Variants in PYGB observed in about 807,000 individuals in gnomAD.
PYGB encodes glycogen phosphorylase B, also known as glycogen phosphorylase, brain form.
PYGB carries 82 observed loss-of-function variants against 94.3 expected under a neutral mutation model. The ratio of observed to expected loss-of-function variants is 0.87; its 90% CI spans 0.73 to 1.04. The LOEUF (loss-of-function observed/expected upper bound fraction) is 1.04. Among genes scored for constraint, PYGB ranks in the 50% least tolerant of loss-of-function variants. The pLI, the probability that PYGB is intolerant of heterozygous loss-of-function variation, is 0.00. For synonymous variants in PYGB, 488 were observed against 479.1 expected, an observed-to-expected ratio of 1.02 and a Z score of -0.24; for missense variants, 1,132 against 1,158.2, an observed-to-expected ratio of 0.98 and a Z score of 0.33.
chr20:25,250,655 G>T (rs561709372), intron 1 of PYGB, among the ~76,000 whole-genome samples: 4 of 152,318 alleles, frequency 2.6e-5, no homozygotes, highest in Non-Finnish European at 5.9e-5. Flanking sequence ...GAGCCAATGA[G>T]AGGAGGTGTG....
intron 1 of PYGB, chr20:25,251,364 TG>T (rs2092887584): frequency 6.6e-6 from 1 of 152,264 alleles, no homozygotes; most frequent in African/African-American, 2.4e-5. Flanking sequence ...TTGCCATTAT[TG>T]GCCTCAGTTT....
At chr20:25,256,870 T>A (rs2092903780) in intron 1 of PYGB, among the ~76,000 whole-genome samples, 2 of 152,208 alleles carry the variant, frequency 1.3e-5, no homozygotes, top group Non-Finnish European at 2.9e-5. Flanking sequence ...CTTTACATGG[T>A]TTTTTTCAGA....
chr20:25,260,959 G>A (rs2092912109), intron 2 of PYGB, among the ~76,000 whole-genome samples: 1 of 152,374 alleles, frequency 6.6e-6, no homozygotes, highest in East Asian at 1.9e-4. Flanking sequence ...TGAGGCTTGA[G>A]TAGGTAAACA....
intron 14 of PYGB, among the ~76,000 whole-genome samples, chr20:25,284,633 C>T (rs537988338): frequency 5.9e-5 from 9 of 152,316 alleles, no homozygotes; most frequent in African/African-American, 2.2e-4. Context: ...ACTATGTTGC[C>T]AAGGCTGGTC....
intron 3 of PYGB, among the ~76,000 whole-genome samples, chr20:25,269,650 C>T (rs1259543543): frequency 6.6e-6 from 1 of 152,186 alleles, no homozygotes; most frequent in Admixed American, 6.5e-5. Flanking sequence ...ACCTCCCGGC[C>T]TTTGTGACAT....
intron 1 of PYGB, among the ~76,000 whole-genome samples, chr20:25,255,796 C>T (rs1471024979): frequency 3.3e-5 from 5 of 151,384 alleles, no homozygotes; most frequent in Non-Finnish European, 4.4e-5. Context: ...TGCAGTGGCG[C>T]GATCTCTACT....
At chr20:25,292,811 G>A (rs1246896863) in intron 17 of PYGB, among the ~76,000 whole-genome samples, 198 bp downstream of exon 17, 1 of 152,124 alleles carries the variant, frequency 6.6e-6, no homozygotes, top group Non-Finnish European at 1.5e-5. Flanking sequence ...GGCTGCGGGC[G>A]AGGCCCACGT....
intron 7 of PYGB, among the ~76,000 whole-genome samples, chr20:25,277,560 C>A (rs966456773): frequency 2.4e-4 from 37 of 152,300 alleles, no homozygotes; most frequent in African/African-American, 8.7e-4. Flanking sequence ...GTGGTCCTCT[C>A]TCCGAGGACA....
In PYGB at chr20:25,248,415, C is replaced by A. The variant is rs772985770; in HGVS notation, c.237C>A (p.Asp79Glu). ...IRTQQHYYERDPKRIYYLSLE... is the reference protein window; with the variant it reads ...IRTQQHYYEREPKRIYYLSLE... ...CGCAGCAGCACTACTACGAGCGCGACCCCAAGGTGAGGCGCTGCCCCGCCC... is the reference window on the plus strand; with the variant it reads ...CGCAGCAGCACTACTACGAGCGCGAACCCAAGGTGAGGCGCTGCCCCGCCC... Residue 79 changes from aspartate to glutamate, a missense_variant, in exon 1 of 20, where the codon GAC becomes GAA. By Grantham distance (45) the Asp-to-Glu change is conservative (BLOSUM62 2). Coordinates refer to ENST00000216962, the MANE Select transcript of PYGB (RefSeq NM_002862.4). 4 of 1,525,238 alleles carry A rather than the reference C, an allele frequency of 2.6e-6. No homozygotes were observed. The highest frequency in any genetic ancestry group is 1.4e-5 in the African/African-American group (1 of 70,048). The allele number at this position is 1,525,238 out of a possible 1,614,324, so 94.5% of individuals were successfully genotyped here. A position where few individuals can be genotyped will look rare whatever the true frequency, so the allele number is the denominator to read the frequency against.
Position 25,296,742 on chromosome 20 carries a change from A to C in PYGB, c.*220A>C. The C allele has an allele frequency of 1.6e-6, 1 of 636,192 alleles. No individual in the cohort carries two copies. The highest frequency in any genetic ancestry group is 2.0e-5 in the South Asian group (1 of 49,572). 39.4% of individuals were successfully genotyped at this position (636,192 alleles called of 1,614,324 possible). On this transcript the variant is annotated 3_prime_UTR_variant, in exon 20 of 20. Coordinates refer to ENST00000216962, the MANE Select transcript of PYGB (RefSeq NM_002862.4). ...TTTCTTGTAAAGGAAGCCAGAGTTG[A>C]CAGTACAAAGGGTCGTGGCCAGCCC...
chr20:25,255,303 C>T (rs1400570426), intron 1 of PYGB, among the ~76,000 whole-genome samples: 1 of 152,236 alleles, frequency 6.6e-6, no homozygotes, highest in Non-Finnish European at 1.5e-5. Flanking sequence ...ATCTCTCCTC[C>T]CACAGGACCT....
intron 1 of PYGB, 30 bp from the exon 2 acceptor site, chr20:25,259,207 G>T (rs1368480922): frequency 6.5e-7 from 1 of 1,532,624 alleles, no homozygotes; most frequent in Admixed American, 1.7e-5. Context: ...AATGGAATGA[G>T]AAATCTTATT....
intron 1 of PYGB, among the ~76,000 whole-genome samples, chr20:25,255,483 T>A (rs2092900390): frequency 6.6e-6 from 1 of 152,194 alleles, no homozygotes; most frequent in Non-Finnish European, 1.5e-5. Context: ...TGGCCTGTGT[T>A]CCTGTGTCTT....
intron 16 of PYGB, 138 bp from the exon 17 acceptor site, chr20:25,292,268 G>GAGCA: frequency 1.1e-5 from 11 of 1,003,794 alleles, no homozygotes; most frequent in Non-Finnish European, 1.0e-5. Flanking sequence ...GCGGGAGTGG[G>GAGCA]GGCTGGAGCG....
intron 3 of PYGB, among the ~76,000 whole-genome samples, chr20:25,270,894 G>C (rs2088260740): frequency 6.6e-6 from 1 of 152,216 alleles, no homozygotes; most frequent in Admixed American, 6.5e-5. Context: ...ATAGCGCCTT[G>C]GGGCCCCTGG....
chr20:25,271,979 G>C (rs2123551124), intron 4 of PYGB, among the ~76,000 whole-genome samples: 1 of 152,304 alleles, frequency 6.6e-6, no homozygotes, highest in African/African-American at 2.4e-5. Flanking sequence ...GGGGTTAGAG[G>C]CTGGACTCTG....
intron 13 of PYGB, 51 bp downstream of exon 13, chr20:25,283,328 C>A: frequency 1.3e-6 from 2 of 1,519,968 alleles, no homozygotes; most frequent in South Asian, 1.1e-5. Context: ...CACAACCAGG[C>A]AGGTAGGCCC....
At chr20:25,286,188 TTCAGGGAAG>T (rs2088416809) in intron 14 of PYGB, among the ~76,000 whole-genome samples, 1 of 152,250 alleles carries the variant, frequency 6.6e-6, no homozygotes, top group Non-Finnish European at 1.5e-5. Flanking sequence ...GTTGCTGGAC[TTCAGGGAAG>T]TTGTCTGTTT....
At position 25,295,686 on chromosome 20, in the gene PYGB, CCA is replaced by C. The variant is rs771790647; in HGVS notation, c.2379+17_2379+18del. 15 of 1,608,376 alleles carry C rather than the reference CCA, an allele frequency of 9.3e-6. No homozygotes were observed. In the African/African-American group the frequency reaches 2.0e-4, roughly 22 times the overall value. ...GCTGTACCGGGTGAGGCTCCTGGGTCCAGAGGCTAGGGGAGCAGCTGGGTGGG... is the reference window on the plus strand; with the variant it reads ...GCTGTACCGGGTGAGGCTCCTGGGTCGAGGCTAGGGGAGCAGCTGGGTGGG... On this transcript the variant is annotated intron_variant, in intron 19 of 19. Coordinates refer to ENST00000216962, the MANE Select transcript of PYGB (RefSeq NM_002862.4).
Sources: allele counts gnomAD v4.1 joint callset (sites outside exome capture counted in the v4.1 genomes callset), GRCh38; gene constraint gnomAD v4.1.1; transcripts MANE v1.5; gene names NCBI Gene and HGNC (gene_info 2026-07-23, HGNC 2026-07-21).